PDE4D: variants seen among roughly 807,000 people sequenced by gnomAD.
PDE4D encodes the protein phosphodiesterase 4D.
PDE4D carries 24 observed loss-of-function variants against 87.4 expected under a neutral mutation model. That is an observed-to-expected ratio of 0.27 (90% confidence interval 0.20 to 0.39). The LOEUF is 0.39. Among genes scored for constraint, PDE4D ranks in the 10% least tolerant of loss-of-function variants. PDE4D has a pLI of 1.00. For missense variants in PDE4D, 714 were observed against 1,041.0 expected (o/e 0.69, Z 4.32); for synonymous variants, 384 against 383.2 (o/e 1.00, Z -0.02).
At chr5:58,997,889 T>G (rs892971253) in intron 6 of PDE4D, among the ~76,000 whole-genome samples, 1 of 152,152 alleles carries the variant, frequency 6.6e-6, no homozygotes, top group African/African-American at 2.4e-5. Context: ...AAAATGTCCT[T>G]AAATGTAATC....
chr5:60,451,043 C>T (rs2150151597), intron 1 of PDE4D, among the ~76,000 whole-genome samples: 1 of 152,132 alleles, frequency 6.6e-6, no homozygotes, highest in East Asian at 1.9e-4. Flanking sequence ...AGATAGTGCT[C>T]TGCATTAAGT....
chr5:59,843,781 T>A (rs1743413796), intron 1 of PDE4D, among the ~76,000 whole-genome samples: 1 of 152,040 alleles, frequency 6.6e-6, no homozygotes, highest in African/African-American at 2.4e-5. Context: ...GAGAGCTGAT[T>A]AAATACCCCA....
chr5:60,467,327 C>A (rs1747440895), intron 1 of PDE4D, among the ~76,000 whole-genome samples: 1 of 152,172 alleles, frequency 6.6e-6, no homozygotes, highest in African/African-American at 2.4e-5. Flanking sequence ...CATGAGCCAC[C>A]AGGCCCAGCC....
chr5:59,793,365 G>T (rs1318549592), intron 1 of PDE4D, among the ~76,000 whole-genome samples: 2 of 152,202 alleles, frequency 1.3e-5, no homozygotes, highest in Non-Finnish European at 2.9e-5. Context: ...TTTATTTCAT[G>T]CCTGCTGAAT....
At position 60,324,486 on chromosome 5, in the gene PDE4D, G is replaced by A. The variant is rs577345122; in HGVS notation, c.-89-138799C>T. Among the ~76,000 whole-genome samples the A allele has an allele frequency of 1.5e-4, 23 of 152,208 alleles. No homozygotes were observed. In the South Asian group the frequency reaches 3.5e-3, roughly 23 times the overall value. On this transcript the variant is annotated intron_variant, in intron 1 of 16. Transcript: ENST00000502484. ...AAGATGCTGTATTGTATAAAGAGAG[G>A]CTAACTCCAGGCATGGTACTGTGCA...
chr5:60,028,081 C>A (rs1040599243), intron 2 of PDE4D, among the ~76,000 whole-genome samples: 1 of 152,152 alleles, frequency 6.6e-6, no homozygotes, highest in Admixed American at 6.5e-5. Flanking sequence ...CTAAATGATT[C>A]TTTTAGCTTA....
chr5:59,904,539 G>A (rs887732525), intron 3 of PDE4D, among the ~76,000 whole-genome samples: 15 of 152,154 alleles, frequency 9.9e-5, no homozygotes, highest in African/African-American at 3.6e-4. Flanking sequence ...TGAATTGAAA[G>A]ATGAAAAAGT....
At chr5:59,039,239 A>T (rs954138545) in intron 5 of PDE4D, 1 of 1,242,702 alleles carries the variant, frequency 8.0e-7, no homozygotes, top group Admixed American at 4.4e-5. Flanking sequence ...GCGGCGAGCC[A>T]ACTTTCACAC....
intron 2 of PDE4D, among the ~76,000 whole-genome samples, chr5:60,038,428 T>C (rs1457476242): frequency 6.6e-6 from 1 of 152,094 alleles, no homozygotes; most frequent in African/African-American, 2.4e-5. Context: ...AAAGATCAGA[T>C]AGTTGTAGAT....
chr5:59,502,908 CT>C (rs60143243), intron 1 of PDE4D, among the ~76,000 whole-genome samples: 1,045 of 131,024 alleles, frequency 8.0e-3, no homozygotes, highest in Middle Eastern at 0.025. Flanking sequence ...GATTAGAAGG[CT>C]TTTTTTTTTT....
chr5:59,583,010 T>G (rs768970994), intron 1 of PDE4D, among the ~76,000 whole-genome samples: 8 of 152,164 alleles, frequency 5.3e-5, no homozygotes, highest in Non-Finnish European at 1.0e-4. Flanking sequence ...GCCTTTAGCT[T>G]CTATCTTCCA....
At chr5:59,842,006 G>C (rs1743091538) in intron 1 of PDE4D, among the ~76,000 whole-genome samples, 1 of 151,996 alleles carries the variant, frequency 6.6e-6, no homozygotes. Context: ...TAGGTGATAT[G>C]TTGGAATGGT....
At chr5:59,338,035 C>T (rs1778030877) in intron 1 of PDE4D, among the ~76,000 whole-genome samples, 1 of 152,180 alleles carries the variant, frequency 6.6e-6, no homozygotes, top group Non-Finnish European at 1.5e-5. Context: ...TAAAAAAACA[C>T]AAGAACTACT....
At chr5:59,811,589 C>T (rs1432036109) in intron 1 of PDE4D, among the ~76,000 whole-genome samples, 5 of 152,194 alleles carry the variant, frequency 3.3e-5, no homozygotes, top group Admixed American at 1.3e-4. Flanking sequence ...GCTCAGGTTT[C>T]CAGAAAGCAG....
chr5:59,950,777 A>G (rs1366978487), intron 3 of PDE4D, among the ~76,000 whole-genome samples: 1 of 152,062 alleles, frequency 6.6e-6, no homozygotes, highest in African/African-American at 2.4e-5. Context: ...TGGTTTTATT[A>G]CTGTTTTTAA....
intron 6 of PDE4D, among the ~76,000 whole-genome samples, chr5:59,037,031 C>G (rs1026822338): frequency 4.6e-5 from 7 of 152,134 alleles, no homozygotes; most frequent in African/African-American, 1.7e-4. Context: ...CCTGTCTTAT[C>G]TGGTGCCTTT....
chr5:59,407,975 A>G (rs192589920), intron 1 of PDE4D, among the ~76,000 whole-genome samples: 4 of 152,394 alleles, frequency 2.6e-5, no homozygotes, highest in African/African-American at 9.6e-5. Flanking sequence ...GCTATGTGAT[A>G]GAAAATAAAA....
chr5:58,990,441 G>C (rs1476790342), intron 9 of PDE4D, among the ~76,000 whole-genome samples: 1 of 152,156 alleles, frequency 6.6e-6, no homozygotes, highest in African/African-American at 2.4e-5. Flanking sequence ...TATATTCTAA[G>C]GTTAGTAGCC....
At chr5:59,512,716 T>C (rs1269705939) in intron 1 of PDE4D, among the ~76,000 whole-genome samples, 2 of 152,102 alleles carry the variant, frequency 1.3e-5, no homozygotes, top group Non-Finnish European at 2.9e-5. Context: ...CAGAAATCAG[T>C]TGACAGATGT....
Sources: allele counts gnomAD v4.1 joint callset (sites outside exome capture counted in the v4.1 genomes callset), GRCh38; gene constraint gnomAD v4.1.1; transcripts MANE v1.5; gene names NCBI Gene and HGNC (gene_info 2026-07-23, HGNC 2026-07-21).